Variants in SLC12A3 observed in about 807,000 individuals in gnomAD.
SLC12A3 encodes solute carrier family 12 member 3.
SLC12A3 carries 104 observed loss-of-function variants against 121.0 expected under a neutral mutation model. The observed-to-expected ratio is 0.86, with a 90% CI of 0.73 to 1.01. The LOEUF (loss-of-function observed/expected upper bound fraction) is 1.01. SLC12A3 is among the 50% of genes least tolerant of loss of function. The probability of loss-of-function intolerance (pLI) is 0.00; values close to 1 mark genes in which losing one functional copy is unlikely to be tolerated. For missense variants in SLC12A3, 1,328 were observed against 1,356.3 expected, an observed-to-expected ratio of 0.98 and a Z score of 0.33; for synonymous variants, 536 against 533.4, an observed-to-expected ratio of 1.00 and a Z score of -0.07.
Position 56,886,444 on chromosome 16 carries a change from T to A in SLC12A3, c.2006T>A (p.Leu669His). 6.2e-7 allele frequency: 1 copy of A among 1,613,950 alleles called. No homozygotes were observed. Among genetic ancestry groups the A allele is most frequent in the Non-Finnish European group, 8.5e-7 (1 of 1,179,996 alleles). The change falls in exon 16 of 26, where the codon CTC (leucine) becomes CAC (histidine). Residue 669 changes from leucine (L) to histidine (H), a missense_variant. Leu to His is a moderately conservative substitution (Grantham distance 99). Coordinates refer to ENST00000563236, the MANE Select transcript of SLC12A3 (RefSeq NM_001126108.2). ...VDFVGTFTRN[L>H]SLMICGHVLI... The stretch of plus-strand genomic sequence containing the variant: ...TTTGTGGGCACCTTCACCCGGAACC[T>A]CAGCCTGATGATCTGTGGCCACGTG...
chr16:56,886,309 A>C, intron 15 of SLC12A3, 55 bp from the exon 16 acceptor site: 4 of 1,364,524 alleles, frequency 2.9e-6, no homozygotes, highest in Non-Finnish European at 3.1e-6. Flanking sequence ...TTTCGCACCC[A>C]GACCCCCGTG....
intron 21 of SLC12A3, among the ~76,000 whole-genome samples, chr16:56,894,018 T>G (rs1257870653): frequency 5.0e-5 from 7 of 140,140 alleles, no homozygotes; most frequent in Non-Finnish European, 1.1e-4. Context: ...TTTATTTATT[T>G]ATTGAGATGG....
chr16:56,913,984 G>T lies in SLC12A3; in HGVS notation c.*579G>T, dbSNP rs1272775323. 6.6e-6 allele frequency: 1 copy of T among 152,364 alleles called. No homozygotes were observed. The highest frequency in any genetic ancestry group is 2.4e-5 in the African/African-American group (1 of 41,368). The allele number at this position is 152,364 out of a possible 1,614,324, so 9.4% of individuals were successfully genotyped here. A position where few individuals can be genotyped will look rare whatever the true frequency, so the allele number is the denominator to read the frequency against. On this transcript the variant is annotated 3_prime_UTR_variant, in exon 26 of 26. Coordinates refer to ENST00000563236, the MANE Select transcript of SLC12A3 (RefSeq NM_001126108.2). ...CTAGGGTGTAATGGCATGATCTCAGGTCACTGCAACCTCCTCCCGGGTTCA... is the reference window on the plus strand; with the variant it reads ...CTAGGGTGTAATGGCATGATCTCAGTTCACTGCAACCTCCTCCCGGGTTCA...
chr16:56,886,628 T>C (rs1431710390), intron 16 of SLC12A3, among the ~76,000 whole-genome samples, 153 bp downstream of exon 16: 9 of 152,072 alleles, frequency 5.9e-5, no homozygotes, highest in Non-Finnish European at 8.8e-5. Flanking sequence ...CGCCTGGGTG[T>C]GATGTCCACC....
intron 5 of SLC12A3, 23 bp from the exon 6 acceptor site, chr16:56,870,603 C>A: frequency 6.7e-7 from 1 of 1,484,208 alleles, no homozygotes; most frequent in Non-Finnish European, 9.4e-7. Context: ...TGGCTTGCAG[C>A]CTGGCCCATT....
rs531564799 is a variant in SLC12A3 at position 56,913,535 on chromosome 16, C to T, written c.*130C>T. 245 of 961,882 alleles carry T rather than the reference C, an allele frequency of 2.5e-4. No homozygotes were observed. The highest frequency in any genetic ancestry group is 1.0e-3 in the Middle Eastern group (5 of 4,788). 59.6% of individuals were successfully genotyped at this position (961,882 alleles called of 1,614,324 possible). A position where few individuals can be genotyped will look rare whatever the true frequency, so the allele number is the denominator to read the frequency against. ...AAGTGGCAGCATCTGATGATCTCACCGAAAAAGATGGTAGATTTCCAAATC... is the reference window on the plus strand; with the variant it reads ...AAGTGGCAGCATCTGATGATCTCACTGAAAAAGATGGTAGATTTCCAAATC... On this transcript the variant is annotated 3_prime_UTR_variant, in exon 26 of 26. Coordinates refer to ENST00000563236, the MANE Select transcript of SLC12A3 (RefSeq NM_001126108.2).
Position 56,865,284 on chromosome 16 carries a change from A to G in SLC12A3, c.49A>G (p.Ser17Gly), listed in dbSNP as rs1311050121. Reference sequence around the variant, plus strand: ...GACGCCTGGGGACGCCACTTTGTGCAGCGGGCGCTTCACCATCAGCACACT... The same window carrying G: ...GACGCCTGGGGACGCCACTTTGTGCGGCGGGCGCTTCACCATCAGCACACT... ...TETPGDATLC[S>G]GRFTISTLLS... The change falls in exon 1 of 26, where the codon AGC becomes GGC. Residue 17 changes from serine to glycine, a missense_variant. Coordinates refer to ENST00000563236, the MANE Select transcript of SLC12A3 (RefSeq NM_001126108.2). The G allele has an allele frequency of 6.2e-7, 1 of 1,613,818 alleles. No individual in the cohort carries two copies. The highest frequency in any genetic ancestry group is 1.3e-5 in the African/African-American group (1 of 74,938).
At position 56,867,164 on chromosome 16, in the gene SLC12A3, GC is replaced by G; in HGVS notation, c.378del (p.Ser126ArgfsTer17). On this transcript the variant is annotated frameshift_variant, in exon 2 of 26. Coordinates refer to ENST00000563236, the MANE Select transcript of SLC12A3 (RefSeq NM_001126108.2). LOFTEE classifies it high-confidence loss of function. ...GTGGAGGGCGAGGCAGGCACCAGCA[GC>G]GAGAAGAACCCCGAGGAGCCAGTGC... is the stretch of plus-strand genomic sequence containing the variant. ...GLVEGEAGTS[S>X]EKNPEEPVRF... The G allele has an allele frequency of 1.9e-6, 3 of 1,614,008 alleles. No homozygotes were observed. The highest frequency in any genetic ancestry group is 2.5e-6 in the Non-Finnish European group (3 of 1,180,000).
chr16:56,902,531 G>GTCCC, intron 24 of SLC12A3, 23 bp downstream of exon 24: 2 of 714,568 alleles, frequency 2.8e-6, no homozygotes, highest in Non-Finnish European at 4.8e-6. Flanking sequence ...GTGGGGGTGG[G>GTCCC]AAACGCGACA....
intron 17 of SLC12A3, among the ~76,000 whole-genome samples, 165 bp downstream of exon 17, chr16:56,887,258 A>G (rs2055327335): frequency 6.6e-6 from 1 of 151,828 alleles, no homozygotes; most frequent in African/African-American, 2.4e-5. Context: ...CTGGAGTGCA[A>G]TGGTGTGATG....
At chr16:56,911,044 C>T (rs1218347738) in intron 25 of SLC12A3, among the ~76,000 whole-genome samples, 1 of 152,226 alleles carries the variant, frequency 6.6e-6, no homozygotes, top group Admixed American at 6.5e-5. Flanking sequence ...GAAAGTCTGA[C>T]ATAGGTGTGT....
chr16:56,872,475 C>G lies in SLC12A3; in HGVS notation c.964+13C>G. 6.2e-7 allele frequency: 1 copy of G among 1,606,508 alleles called. No homozygotes were observed. Among genetic ancestry groups the G allele is most frequent in the East Asian group, 2.2e-5 (1 of 44,834 alleles). On this transcript the variant is annotated intron_variant, in intron 7 of 25. Transcript: ENST00000563236. The stretch of plus-strand genomic sequence containing the variant: ...TTCAGCTACCGGGGTATGTGCTGAT[C>G]AAGGCCCTGACCATGGCTCTGGGGA...
intron 1 of SLC12A3, 136 bp from the exon 2 acceptor site, chr16:56,866,934 G>A: frequency 8.5e-7 from 1 of 1,171,680 alleles, no homozygotes; most frequent in Non-Finnish European, 1.2e-6. Context: ...AGCCCCTCAA[G>A]CAGCTCAACA....
At chr16:56,880,320 G>C in intron 12 of SLC12A3, 67 bp downstream of exon 12, 1 of 1,528,674 alleles carries the variant, frequency 6.5e-7, no homozygotes, top group Admixed American at 2.0e-5. Flanking sequence ...AGGGTCTTGG[G>C]GGCCGGGCTC....
intron 6 of SLC12A3, 148 bp downstream of exon 6, chr16:56,870,884 G>A: frequency 1.7e-6 from 1 of 603,860 alleles, no homozygotes; most frequent in Non-Finnish European, 3.0e-6. Context: ...GTCCATGCTG[G>A]AGTGCAGTGG....
chr16:56,875,363 T>A (rs75750667), intron 8 of SLC12A3, among the ~76,000 whole-genome samples: 2 of 152,116 alleles, frequency 1.3e-5, no homozygotes, highest in African/African-American at 4.8e-5. Flanking sequence ...GGATTCCATG[T>A]GCTAATTCAT....
At chr16:56,875,832 T>C (rs2055157848) in intron 8 of SLC12A3, among the ~76,000 whole-genome samples, 1 of 139,940 alleles carries the variant, frequency 7.1e-6, no homozygotes, top group African/African-American at 2.5e-5. Flanking sequence ...CACATCCAGG[T>C]CCACATCTCA....
At chr16:56,877,190 A>G (rs79337599) in intron 8 of SLC12A3, among the ~76,000 whole-genome samples, 2 of 152,104 alleles carry the variant, frequency 1.3e-5, no homozygotes, top group African/African-American at 4.8e-5. Flanking sequence ...TCAGGAGTTC[A>G]AGACCAGCCT....
In SLC12A3 at chr16:56,870,215, A is replaced by G. The variant is rs756103298; in HGVS notation, c.721A>G (p.Thr241Ala). ...CATGCACACGGTGGGCTTTGCAGAG[A>G]CCGTGCGGGACCTGCTCCAGGTGAG... ...VAMHTVGFAE[T>A]VRDLLQEYGA... is the part of the protein sequence containing the mutation. The change falls in exon 5 of 26, where the codon ACC (threonine) becomes GCC (alanine). Residue 241 changes from threonine (T) to alanine (A), a missense_variant. Physicochemically the swap from Thr to Ala is moderately conservative, Grantham distance 58 (BLOSUM62 0). Coordinates refer to ENST00000563236, the MANE Select transcript of SLC12A3 (RefSeq NM_001126108.2). The G allele has an allele frequency of 6.2e-7, 1 of 1,613,574 alleles. No individual in the cohort carries two copies. The highest frequency in any genetic ancestry group is 1.1e-5 in the South Asian group (1 of 91,082).
Sources: gnomAD v4.1 joint callset for allele counts (sites outside exome capture counted in the v4.1 genomes callset) on GRCh38, gnomAD v4.1.1 for gene constraint, MANE v1.5 for transcripts, NCBI Gene and HGNC (gene_info 2026-07-23, HGNC 2026-07-21) for gene names.